The following LEPR variants were observed in gnomAD, a reference collection of about 807,000 sequenced individuals.
The protein encoded by LEPR is OB receptor.
In LEPR, 56 loss-of-function variants were observed where a neutral mutation model predicts 114.7. That is an observed-to-expected ratio of 0.49 (90% confidence interval 0.39 to 0.61). The LOEUF (loss-of-function observed/expected upper bound fraction) is 0.61. Ranked by LOEUF, LEPR falls within the 20% of genes least tolerant of loss-of-function variation. The pLI, the probability that LEPR is intolerant of heterozygous loss-of-function variation, is 0.00. For synonymous variants in LEPR, 443 were observed against 461.4 expected (o/e 0.96, Z 0.51); for missense variants, 1,202 against 1,352.9 (o/e 0.89, Z 1.75).
chr1:65,543,456 T>A (rs1257970795), intron 2 of LEPR, among the ~76,000 whole-genome samples: 2 of 152,010 alleles, frequency 1.3e-5, no homozygotes, highest in African/African-American at 2.4e-5. Flanking sequence ...GTGCAGAAGC[T>A]GAGCTGTTTA....
chr1:65,521,963 A>C (rs1570603530), intron 2 of LEPR, among the ~76,000 whole-genome samples: 1 of 152,126 alleles, frequency 6.6e-6, no homozygotes, highest in East Asian at 1.9e-4. Flanking sequence ...ACGTGGGTGT[A>C]GTGGTGGACA....
At chr1:65,486,350 T>C (rs1041283922) in intron 2 of LEPR, 2 of 152,146 alleles carry the variant, frequency 1.3e-5, no homozygotes, top group Non-Finnish European at 2.9e-5. Context: ...TCATTAAATT[T>C]CTTGATGAAT....
chr1:65,585,620 T>G (rs889746265), intron 5 of LEPR, among the ~76,000 whole-genome samples: 5 of 152,030 alleles, frequency 3.3e-5, no homozygotes, highest in Admixed American at 6.6e-5. Flanking sequence ...TTTATTTACA[T>G]GTAGAGGTAT....
At chr1:65,608,716 A>T in intron 11 of LEPR, 37 bp from the exon 12 acceptor site, 1 of 1,598,634 alleles carries the variant, frequency 6.3e-7, no homozygotes, top group Non-Finnish European at 8.5e-7. Flanking sequence ...TTACTATTTA[A>T]ATTACCATCA....
chr1:65,638,246 G>A lies in LEPR; in HGVS notation c.*1231G>A, dbSNP rs1658774837. 6.6e-6 allele frequency: 1 copy of A among 152,104 alleles called. No homozygotes were observed. Among genetic ancestry groups the A allele is most frequent in the Admixed American group, 6.5e-5 (1 of 15,268 alleles). The allele number at this position is 152,104 out of a possible 1,614,324, so 9.4% of individuals were successfully genotyped here. ...AAATAAAGATTATAAAATGTATTAA[G>A]TAGAAGTATAATGCTGGATGAGAAA... On this transcript the variant is annotated 3_prime_UTR_variant, in exon 20 of 20. Transcript: ENST00000349533.
chr1:65,559,903 G>A (rs1485348940), intron 2 of LEPR, among the ~76,000 whole-genome samples: 15 of 140,628 alleles, frequency 1.1e-4, no homozygotes, highest in Non-Finnish European at 2.0e-4. Context: ...CTGTTCCATT[G>A]ATCTATATCT....
At chr1:65,558,240 C>T (rs527822489) in intron 2 of LEPR, among the ~76,000 whole-genome samples, 3 of 152,142 alleles carry the variant, frequency 2.0e-5, no homozygotes, top group African/African-American at 7.2e-5. Flanking sequence ...ATGAGGGTTC[C>T]AAACAGTGTA....
chr1:65,502,529 A>G (rs1285920990), intron 2 of LEPR, among the ~76,000 whole-genome samples: 1 of 152,110 alleles, frequency 6.6e-6, no homozygotes, highest in African/African-American at 2.4e-5. Context: ...GGTGCTGACG[A>G]TATAGCTTCC....
chr1:65,564,141 C>T (rs1199672274), intron 2 of LEPR, among the ~76,000 whole-genome samples: 2 of 148,716 alleles, frequency 1.3e-5, no homozygotes, highest in Admixed American at 6.6e-5. Flanking sequence ...GGTGGGCGCC[C>T]CTCCCCCAGC....
Position 65,617,958 on chromosome 1 carries a change from C to T in LEPR, c.2213-6C>T, listed in dbSNP as rs1557699189. Reference sequence around the variant, plus strand: ...TTAAAAATTAATTTCCTTCTTTTCCCCTCAGTAAATATCGTGCAGTCACTC... The same window carrying T: ...TTAAAAATTAATTTCCTTCTTTTCCTCTCAGTAAATATCGTGCAGTCACTC... On this transcript the variant is annotated splice_region_variant and splice_polypyrimidine_tract_variant and intron_variant, in intron 15 of 19. Coordinates refer to ENST00000349533, the MANE Select transcript of LEPR (RefSeq NM_002303.6). 1 of 1,602,890 alleles carries T rather than the reference C, an allele frequency of 6.2e-7. No homozygotes were observed. The highest frequency in any genetic ancestry group is 1.1e-5 in the South Asian group (1 of 87,694).
At chr1:65,508,432 A>T (rs1233412418) in intron 2 of LEPR, among the ~76,000 whole-genome samples, 1 of 152,156 alleles carries the variant, frequency 6.6e-6, no homozygotes, top group Non-Finnish European at 1.5e-5. Context: ...AATATGATTT[A>T]TTGAAGAGAT....
chr1:65,520,021 G>A (rs537287943), intron 2 of LEPR, among the ~76,000 whole-genome samples: 158 of 151,920 alleles, frequency 1.0e-3, no homozygotes, highest in African/African-American at 3.4e-3. Context: ...CTGCCACCAC[G>A]CCCGGCTAAT....
At position 65,558,252 on chromosome 1, in the gene LEPR, T is replaced by C. The variant is rs549354185; in HGVS notation, c.-20-7294T>C. Among the ~76,000 whole-genome samples the C allele has an allele frequency of 9.8e-5, 15 of 152,300 alleles. No homozygotes were observed. The South Asian group carries it at 3.1e-3, about 32-fold the overall frequency. ...ATCATGAGGGTTCCAAACAGTGTAC[T>C]GATTTCTAGAAATCCTAAAGAACCA... On this transcript the variant is annotated intron_variant, in intron 2 of 19. Coordinates refer to ENST00000349533, the MANE Select transcript of LEPR (RefSeq NM_002303.6).
intron 2 of LEPR, among the ~76,000 whole-genome samples, chr1:65,451,829 C>A (rs528346922): frequency 6.6e-6 from 1 of 151,944 alleles, no homozygotes; most frequent in Non-Finnish European, 1.5e-5. Context: ...TCATTGGTAG[C>A]TTGATGGGTA....
intron 14 of LEPR, among the ~76,000 whole-genome samples, chr1:65,612,788 T>C (rs1234954822): frequency 6.6e-6 from 1 of 152,180 alleles, no homozygotes; most frequent in African/African-American, 2.4e-5. Flanking sequence ...AATTTAGGGT[T>C]ATGGGTTTGG....
chr1:65,529,394 C>T (rs1313231748), intron 2 of LEPR, among the ~76,000 whole-genome samples: 9 of 151,744 alleles, frequency 5.9e-5, no homozygotes, highest in East Asian at 3.9e-4. Context: ...TGGTGGCAGG[C>T]GCCTGTAATC....
chr1:65,542,622 C>T (rs533883354), intron 2 of LEPR, among the ~76,000 whole-genome samples: 1 of 151,598 alleles, frequency 6.6e-6, no homozygotes, highest in African/African-American at 2.4e-5. Flanking sequence ...TAGCCAGCCA[C>T]CCCCCGACAG....
intron 2 of LEPR, among the ~76,000 whole-genome samples, chr1:65,546,022 A>G (rs930828662): frequency 5.9e-5 from 9 of 151,448 alleles, no homozygotes; most frequent in African/African-American, 1.9e-4. Context: ...AGCTTTCTAC[A>G]TATGGCTAGC....
chr1:65,521,202 A>G (rs747405325), intron 2 of LEPR, among the ~76,000 whole-genome samples: 20 of 152,238 alleles, frequency 1.3e-4, no homozygotes, highest in Admixed American at 4.6e-4. Context: ...TTATTTTCAC[A>G]TTGAAAATCA....
Sources: allele counts gnomAD v4.1 joint callset (sites outside exome capture counted in the v4.1 genomes callset), GRCh38; gene constraint gnomAD v4.1.1; transcripts MANE v1.5; gene names NCBI Gene and HGNC (gene_info 2026-07-23, HGNC 2026-07-21).